The following LRMDA variants were observed in gnomAD, a reference collection of about 807,000 sequenced individuals.
The protein encoded by LRMDA is leucine-rich melanocyte differentiation-associated protein.
In LRMDA, 18 loss-of-function variants were observed where a neutral mutation model predicts 29.8. The observed-to-expected ratio is 0.60, with a 90% confidence interval of 0.42 to 0.90. The LOEUF is 0.90. Among genes scored for constraint, LRMDA ranks in the 40% least tolerant of loss-of-function variants. The pLI is 0.00. For missense variants in LRMDA, 273 were observed against 273.9 expected (o/e 1.00, Z 0.02); for synonymous variants, 125 against 109.4 (o/e 1.14, Z -0.89).
At chr10:75,510,588 T>C (rs982968113) in intron 2 of LRMDA, among the ~76,000 whole-genome samples, 1 of 152,044 alleles carries the variant, frequency 6.6e-6, no homozygotes, top group African/African-American at 2.4e-5. Context: ...TTCTGAAGGG[T>C]GATTGAGATT....
At chr10:75,656,457 C>T (rs117434974) in intron 2 of LRMDA, among the ~76,000 whole-genome samples, 1 of 152,294 alleles carries the variant, frequency 6.6e-6, no homozygotes, top group Non-Finnish European at 1.5e-5. Flanking sequence ...TGTTCTCTTA[C>T]TTGAGGACTT....
At chr10:76,207,557 T>C (rs12245799) in intron 5 of LRMDA, among the ~76,000 whole-genome samples, 40,916 of 152,126 alleles carry the variant, frequency 0.27, 6,338 homozygotes, top group East Asian at 0.6. Context: ...GTGTGACTTC[T>C]GCACATAGTC....
At chr10:75,947,284 A>C (rs1846492276) in intron 2 of LRMDA, among the ~76,000 whole-genome samples, 1 of 151,926 alleles carries the variant, frequency 6.6e-6, no homozygotes, top group African/African-American at 2.4e-5. Context: ...TCTTTGGGTG[A>C]GTGTTGATTT....
At chr10:76,533,562 A>T (rs1283288120) in intron 6 of LRMDA, among the ~76,000 whole-genome samples, 1 of 152,124 alleles carries the variant, frequency 6.6e-6, no homozygotes, top group African/African-American at 2.4e-5. Context: ...TAATTAACGG[A>T]GGCTCTTTGG....
At chr10:76,057,383 A>C (rs533079159) in intron 4 of LRMDA, among the ~76,000 whole-genome samples, 5 of 152,328 alleles carry the variant, frequency 3.3e-5, no homozygotes, top group African/African-American at 1.2e-4. Context: ...TATCTGTGCA[A>C]CTGAAATCAA....
At chr10:76,217,944 A>G (rs1335224198) in intron 5 of LRMDA, among the ~76,000 whole-genome samples, 5 of 152,194 alleles carry the variant, frequency 3.3e-5, no homozygotes, top group Non-Finnish European at 7.3e-5. Context: ...ACCAGAATCC[A>G]TAAGAAGCCC....
At chr10:76,392,997 T>C (rs1317515448) in intron 6 of LRMDA, among the ~76,000 whole-genome samples, 1 of 152,152 alleles carries the variant, frequency 6.6e-6, no homozygotes, top group Non-Finnish European at 1.5e-5. Flanking sequence ...TCATCCATGT[T>C]GTTGCAAATG....
Position 75,505,138 on chromosome 10 carries a change from G to A in LRMDA, c.131+66644G>A, listed in dbSNP as rs184351807. ...AAGGGTTGTTTTAGTTATGACACAGGTTTGGCTGTTAAAACAGGACTCAAG... is the reference window on the plus strand; with the variant it reads ...AAGGGTTGTTTTAGTTATGACACAGATTTGGCTGTTAAAACAGGACTCAAG... On this transcript the variant is annotated intron_variant, in intron 2 of 6. Transcript: ENST00000611255. Among the ~76,000 whole-genome samples the A allele has an allele frequency of 2.3e-3, 348 of 152,286 alleles. 1 individual carries two copies. Among genetic ancestry groups the A allele is most frequent in the Non-Finnish European group, 4.1e-3 (277 of 68,026 alleles).
At chr10:76,451,936 C>T (rs1029131728) in intron 6 of LRMDA, among the ~76,000 whole-genome samples, 3 of 152,062 alleles carry the variant, frequency 2.0e-5, no homozygotes, top group East Asian at 1.9e-4. Context: ...GGATTACAGG[C>T]GTGAGCCACC....
At chr10:75,872,388 C>T (rs946597491) in intron 2 of LRMDA, among the ~76,000 whole-genome samples, 1 of 152,106 alleles carries the variant, frequency 6.6e-6, no homozygotes, top group Non-Finnish European at 1.5e-5. Context: ...ACTGCAACCT[C>T]CATCTCCTGG....
Position 76,286,810 on chromosome 10 carries a change from G to C in LRMDA, c.517-37591G>C. ...TTTGTTTATTCAGATTTGCTGATTT[G>C]TCCAGAGTTTTAATGTTTTTCCAAA... On this transcript the variant is annotated intron_variant, in intron 5 of 6. Transcript: ENST00000611255. Among the ~76,000 whole-genome samples, 2 of 152,128 alleles carry C rather than the reference G, an allele frequency of 1.3e-5. 1 individual carries two copies. The highest frequency in any genetic ancestry group is 2.9e-5 in the Non-Finnish European group (2 of 68,020).
At chr10:75,930,366 G>C (rs1397371136) in intron 2 of LRMDA, among the ~76,000 whole-genome samples, 1 of 152,044 alleles carries the variant, frequency 6.6e-6, no homozygotes, top group East Asian at 1.9e-4. Context: ...TGGAGATGAG[G>C]AGAAACTGGA....
At chr10:75,856,743 C>A (rs1048880848) in intron 2 of LRMDA, among the ~76,000 whole-genome samples, 1 of 152,172 alleles carries the variant, frequency 6.6e-6, no homozygotes, top group South Asian at 2.1e-4. Flanking sequence ...TGGGCAAAAA[C>A]TGGAAGCATT....
At chr10:75,605,918 C>T (rs769853036) in intron 2 of LRMDA, among the ~76,000 whole-genome samples, 13 of 152,108 alleles carry the variant, frequency 8.5e-5, no homozygotes, top group Non-Finnish European at 1.5e-4. Context: ...AGTGCAGTGG[C>T]GCAATCATGG....
intron 5 of LRMDA, among the ~76,000 whole-genome samples, chr10:76,101,736 C>CA (rs35511942): frequency 0.41 from 61,661 of 149,656 alleles, 13,076 homozygotes; most frequent in Non-Finnish European, 0.46. Context: ...GACTCTGTCT[C>CA]AAAAAAAAAA....
intron 4 of LRMDA, among the ~76,000 whole-genome samples, chr10:76,053,576 A>G (rs891065221): frequency 6.6e-6 from 1 of 152,168 alleles, no homozygotes; most frequent in Non-Finnish European, 1.5e-5. Context: ...CATGACCTAG[A>G]ACAAAGGGAA....
intron 6 of LRMDA, among the ~76,000 whole-genome samples, chr10:76,503,195 A>C (rs2132344337): frequency 6.6e-6 from 1 of 152,094 alleles, no homozygotes; most frequent in Non-Finnish European, 1.5e-5. Flanking sequence ...GATGGATCAC[A>C]TTTATTGATT....
At chr10:76,221,385 C>G (rs1357060806) in intron 5 of LRMDA, among the ~76,000 whole-genome samples, 3 of 152,212 alleles carry the variant, frequency 2.0e-5, no homozygotes, top group African/African-American at 7.2e-5. Flanking sequence ...ATTGTCTCAG[C>G]CCAAAATCTA....
At chr10:75,705,184 C>G (rs763785468) in intron 2 of LRMDA, among the ~76,000 whole-genome samples, 4 of 152,190 alleles carry the variant, frequency 2.6e-5, no homozygotes, top group Admixed American at 6.5e-5. Context: ...TCAAGGCCCC[C>G]AGATGTCTTC....
Sources: allele counts gnomAD v4.1 joint callset (sites outside exome capture counted in the v4.1 genomes callset), GRCh38; gene constraint gnomAD v4.1.1; transcripts MANE v1.5; gene names NCBI Gene and HGNC (gene_info 2026-07-23, HGNC 2026-07-21).